Variants in NBPF4 observed in about 807,000 individuals in gnomAD.
NBPF4 encodes the protein NBPF family member NBPF4.
A neutral mutation model predicts 21.1 loss-of-function variants in NBPF4; 11 were observed. The observed-to-expected ratio is 0.52, with a 90% confidence interval of 0.33 to 0.86. The LOEUF (loss-of-function observed/expected upper bound fraction) is 0.86. Among genes scored for constraint, NBPF4 ranks in the 40% least tolerant of loss-of-function variants. The pLI is 0.03. For missense variants in NBPF4, 88 were observed against 265.3 expected, an observed-to-expected ratio of 0.33 and a Z score of 4.64; for synonymous variants, 47 against 106.4, an observed-to-expected ratio of 0.44 and a Z score of 3.43.
the NBPF4 span, among the ~76,000 whole-genome samples, chr1:108,259,957 C>A: frequency 7.5e-6 from 1 of 132,460 alleles, no homozygotes; most frequent in Admixed American, 7.5e-5. Flanking sequence ...TGCTGTTGTG[C>A]TAATCCCTCA....
intron 13 of NBPF4, 137 bp downstream of exon 13, chr1:108,228,783 C>G: frequency 1.5e-6 from 1 of 645,460 alleles, no homozygotes; most frequent in East Asian, 2.8e-5. Context: ...CTTTGCTCAC[C>G]TCACTGGGTT....
the NBPF4 span, among the ~76,000 whole-genome samples, chr1:108,252,695 T>C: frequency 7.1e-6 from 1 of 141,814 alleles, no homozygotes; most frequent in African/African-American, 2.8e-5. Flanking sequence ...TTTTTTTTTT[T>C]TCTGGATTTG....
rs1350125715 is a variant in NBPF4, at chr1:108,241,311, G to A, written c.279-147C>T. The A allele has an allele frequency of 1.9e-5, 8 of 430,262 alleles. 2 individuals are homozygous for A. The African/African-American group carries it at 2.1e-4, about 12-fold the overall frequency. The allele number at this position is 430,262 out of a possible 1,614,324, so 26.7% of individuals were successfully genotyped here. A position where few individuals can be genotyped will look rare whatever the true frequency, so the allele number is the denominator to read the frequency against. On this transcript the variant is annotated intron_variant, in intron 3 of 14. Coordinates refer to ENST00000415641, the MANE Select transcript of NBPF4 (RefSeq NM_001143989.3). Reference sequence around the variant, plus strand: ...TGTTTGGGGAAATGTCTGTGGCCAAGAGAAAGAAGAATATATATATATATA... The same window carrying A: ...TGTTTGGGGAAATGTCTGTGGCCAAAAGAAAGAAGAATATATATATATATA...
chr1:108,257,483 T>A, the NBPF4 span, among the ~76,000 whole-genome samples: 1 of 150,880 alleles, frequency 6.6e-6, no homozygotes, highest in Non-Finnish European at 1.5e-5. Context: ...ATTAACCAAC[T>A]TCTACCCTCT....
rs1407568575 is a variant in NBPF4 at position 108,229,018 on chromosome 1, C to A, written c.1562G>T (p.Gly521Val). The A allele has an allele frequency of 4.5e-6, 7 of 1,548,596 alleles. 1 individual carries two copies. Among genetic ancestry groups the A allele is most frequent in the Middle Eastern group, 1.7e-4 (1 of 5,922 alleles). The change falls in exon 13 of 15, where the codon GGG becomes GTG. Residue 521 changes from glycine to valine, a missense_variant. Gly to Val is a moderately radical substitution (Grantham distance 109). Around this residue, in one of 4 missense-constraint regions of NBPF4, gnomAD observed 60 missense variants for 86.5 expected, o/e 0.69. Transcript: ENST00000415641. Reference protein sequence around the residue: ...PSCLRLQLDQGFHCGNGLAQR... With the variant: ...PSCLRLQLDQVFHCGNGLAQR... ...GGCCAAGCCGTTCCCACAGTGGAAC[C>A]CTTGATCCAGCTGTAGTCGCAGACA...
In NBPF4 at chr1:108,222,696, G is replaced by C. The variant is rs1205924002; in HGVS notation, c.*1009C>G. On this transcript the variant is annotated 3_prime_UTR_variant, in exon 15 of 15. Transcript: ENST00000415641. Reference sequence around the variant, plus strand: ...AAGCAAGTATAAGGTAAGATTTTGAGATAGACAATTTTCAATGTACAAACT... The same window carrying C: ...AAGCAAGTATAAGGTAAGATTTTGACATAGACAATTTTCAATGTACAAACT... Among the ~76,000 whole-genome samples the C allele has an allele frequency of 1.3e-5, 2 of 152,172 alleles. No homozygotes were observed. Among genetic ancestry groups the C allele is most frequent in the East Asian group, 3.8e-4 (2 of 5,198 alleles).
rs945003294 is a variant in NBPF4, at chr1:108,223,384, C to G, written c.*321G>C. 1.4e-5 allele frequency: 4 copies of G among 289,954 alleles called. No homozygotes were observed. The Admixed American group carries it at 1.9e-4, about 14-fold the overall frequency. The allele number at this position is 289,954 out of a possible 1,614,324, so 18.0% of individuals were successfully genotyped here. A position where few individuals can be genotyped will look rare whatever the true frequency, so the allele number is the denominator to read the frequency against. ...GCTCATACTCTGCCCTGGCAGAGTC[C>G]CGGCTGACATGCTGTCTCCTGCCAG... On this transcript the variant is annotated 3_prime_UTR_variant, in exon 15 of 15. Coordinates refer to ENST00000415641, the MANE Select transcript of NBPF4 (RefSeq NM_001143989.3).
At position 108,229,031 on chromosome 1, in the gene NBPF4, G is replaced by T; in HGVS notation, c.1549C>A (p.Gln517Lys). The change falls in exon 13 of 15, where the codon CAG becomes AAG. Residue 517 changes from glutamine to lysine, a missense_variant. Around this residue, in one of 4 missense-constraint regions of NBPF4, gnomAD observed 60 missense variants for 86.5 expected, o/e 0.69. Coordinates refer to ENST00000415641, the MANE Select transcript of NBPF4 (RefSeq NM_001143989.3). ...CCACAGTGGAACCCTTGATCCAGCT[G>T]TAGTCGCAGACAACTGGGCACCAGG... is the stretch of plus-strand genomic sequence containing the variant. The part of the protein sequence containing the change: ...STLVPSCLRL[Q>K]LDQGFHCGNG... 1 of 1,550,136 alleles carries T rather than the reference G, an allele frequency of 6.5e-7. No individual in the cohort carries two copies. The highest frequency in any genetic ancestry group is 1.2e-5 in the South Asian group (1 of 83,992).
At chr1:108,241,335 TATATACACAC>T (rs1558041010) in intron 3 of NBPF4, among the ~76,000 whole-genome samples, 171 bp from the exon 4 acceptor site, 5 of 131,326 alleles carry the variant, frequency 3.8e-5, no homozygotes, top group East Asian at 2.2e-4. Flanking sequence ...TATATATATA[TATATACACAC>T]ACACACACAC....
chr1:108,234,805 C>T (rs1172877778), intron 9 of NBPF4, among the ~76,000 whole-genome samples: 1 of 90,342 alleles, frequency 1.1e-5, no homozygotes, highest in Non-Finnish European at 2.1e-5. Flanking sequence ...GAGGCATAAT[C>T]GTATCCCCGA....
At chr1:108,266,153 GAAAA>G in the NBPF4 span, among the ~76,000 whole-genome samples, 1 of 133,566 alleles carries the variant, frequency 7.5e-6, no homozygotes, top group African/African-American at 3.0e-5. Context: ...TGGTTTTTTG[GAAAA>G]AAAAAAAAAG....
At chr1:108,256,616 T>C in the NBPF4 span, among the ~76,000 whole-genome samples, 63 of 101,734 alleles carry the variant, frequency 6.2e-4, no homozygotes, top group Middle Eastern at 4.3e-3. Context: ...CTCCCTCCCT[T>C]CCTTCCTTCC....
intron 13 of NBPF4, among the ~76,000 whole-genome samples, chr1:108,228,257 AT>A (rs1558039379): frequency 1.2e-5 from 1 of 83,978 alleles, no homozygotes; most frequent in East Asian, 3.3e-4. Flanking sequence ...TTGCCCTTTT[AT>A]TTCAAAAAAA....
the NBPF4 span, among the ~76,000 whole-genome samples, chr1:108,266,119 C>CA: frequency 1.5e-5 from 2 of 133,082 alleles, no homozygotes; most frequent in Non-Finnish European, 3.1e-5. Context: ...AAAAACCCTT[C>CA]AAAAAATCAA....
chr1:108,229,163 G>T lies in NBPF4; in HGVS notation c.1424-7C>A. 1 of 1,526,502 alleles carries T rather than the reference G, an allele frequency of 6.6e-7. No homozygotes were observed. The highest frequency in any genetic ancestry group is 8.9e-7 in the Non-Finnish European group (1 of 1,125,046). The allele number at this position is 1,526,502 out of a possible 1,614,324, so 94.6% of individuals were successfully genotyped here. A position where few individuals can be genotyped will look rare whatever the true frequency, so the allele number is the denominator to read the frequency against. The stretch of plus-strand genomic sequence containing the variant: ...CAGGCCGCCTCGGTGGGGGCTGAAA[G>T]GAGAAGGGGCTTCAGTAGGAACAAT... On this transcript the variant is annotated splice_polypyrimidine_tract_variant and splice_region_variant and intron_variant, in intron 12 of 14. Transcript: ENST00000415641.
rs1649360468 is a variant in NBPF4 at position 108,223,110 on chromosome 1, A to G, written c.*595T>C. ...AAACAAGTCCATGTCACCACCATCA[A>G]TGACAACAACAAAAAGATGAGGAGA... On this transcript the variant is annotated 3_prime_UTR_variant, in exon 15 of 15. Coordinates refer to ENST00000415641, the MANE Select transcript of NBPF4 (RefSeq NM_001143989.3). Among the ~76,000 whole-genome samples the G allele has an allele frequency of 6.6e-6, 1 of 152,222 alleles. No individual in the cohort carries two copies. Among genetic ancestry groups the G allele is most frequent in the Non-Finnish European group, 1.5e-5 (1 of 68,048 alleles).
intron 14 of NBPF4, among the ~76,000 whole-genome samples, chr1:108,224,852 G>A (rs1306922657): frequency 6.6e-6 from 1 of 150,740 alleles, no homozygotes; most frequent in Non-Finnish European, 1.5e-5. Flanking sequence ...AGAGAGGCAT[G>A]AAGAAGTATT....
intron 3 of NBPF4, 107 bp from the exon 4 acceptor site, chr1:108,241,271 C>G: frequency 2.7e-6 from 1 of 368,196 alleles, no homozygotes; most frequent in South Asian, 2.8e-5. Context: ...GACCTCCAAG[C>G]AGAAGGTCAG....
In NBPF4 at chr1:108,223,462, G is replaced by A. The variant is rs1649374018; in HGVS notation, c.*243C>T. 13 of 494,362 alleles carry A rather than the reference G, an allele frequency of 2.6e-5. No homozygotes were observed. The highest frequency in any genetic ancestry group is 2.6e-4 in the South Asian group (10 of 38,030). 30.6% of individuals were successfully genotyped at this position (494,362 alleles called of 1,614,324 possible). ...ATGGGAATTGAGAAACAGGGCTAAC[G>A]CCGGTCAATGCTATTTGTCCATCTG... On this transcript the variant is annotated 3_prime_UTR_variant, in exon 15 of 15. Coordinates refer to ENST00000415641, the MANE Select transcript of NBPF4 (RefSeq NM_001143989.3).
Sources: gnomAD v4.1 joint callset for allele counts (sites outside exome capture counted in the v4.1 genomes callset) on GRCh38, gnomAD v4.1.1 for gene constraint, gnomAD v4.1.1 regional missense constraint, MANE v1.5 for transcripts, NCBI Gene and HGNC (gene_info 2026-07-23, HGNC 2026-07-21) for gene names.